CCDC14: variants seen among roughly 807,000 people sequenced by gnomAD.
The protein encoded by CCDC14 is coiled-coil domain containing 14, also known as coiled-coil domain-containing protein 14.
In CCDC14, 71 loss-of-function variants were observed where a neutral mutation model predicts 81.4. The ratio of observed to expected loss-of-function variants is 0.87; its 90% CI spans 0.72 to 1.06. The LOEUF (loss-of-function observed/expected upper bound fraction) is 1.06. Among genes scored for constraint, CCDC14 ranks in the 50% least tolerant of loss-of-function variants. The pLI, the probability that CCDC14 is intolerant of heterozygous loss-of-function variation, is 0.00. For missense variants in CCDC14, 1,046 were observed against 1,047.3 expected, an observed-to-expected ratio of 1.00 and a Z score of 0.02; for synonymous variants, 332 against 364.8, an observed-to-expected ratio of 0.91 and a Z score of 1.03.
chr3:123,949,289 T>G, intron 5 of CCDC14, 157 bp from the exon 6 acceptor site: 1 of 580,630 alleles, frequency 1.7e-6, no homozygotes, highest in Non-Finnish European at 3.1e-6. Context: ...GAAAATCATC[T>G]CAAATTCTTT....
chr3:123,913,335 G>A (rs2034490216), downstream of CCDC14: 1 of 974,856 alleles, frequency 1.0e-6, no homozygotes, highest in African/African-American at 1.8e-5. Flanking sequence ...CCATGTTAAG[G>A]GCCAAATAGG....
At chr3:123,936,555 G>A (rs1288712841) in intron 9 of CCDC14, among the ~76,000 whole-genome samples, 1 of 152,042 alleles carries the variant, frequency 6.6e-6, no homozygotes, top group Non-Finnish European at 1.5e-5. Flanking sequence ...AAGGGAACTG[G>A]AGGCTATCAT....
chr3:123,893,995 G>T (rs1185979889), downstream of CCDC14, among the ~76,000 whole-genome samples: 1 of 152,086 alleles, frequency 6.6e-6, no homozygotes, highest in African/African-American at 2.4e-5. Flanking sequence ...TCTGTAGGTT[G>T]CTTTGTTGTC....
chr3:123,951,314 A>G (rs1217387409), intron 5 of CCDC14, among the ~76,000 whole-genome samples: 1 of 152,190 alleles, frequency 6.6e-6, no homozygotes, highest in Admixed American at 6.5e-5. Flanking sequence ...TATCATATTC[A>G]TAAATCATAC....
chr3:123,912,095 G>C (rs552494733), downstream of CCDC14, among the ~76,000 whole-genome samples: 27 of 152,160 alleles, frequency 1.8e-4, no homozygotes, highest in Non-Finnish European at 3.5e-4. Context: ...TCATTGTAAA[G>C]GGTTGTATAT....
At chr3:123,894,193 A>T (rs973675173), downstream of CCDC14, among the ~76,000 whole-genome samples, 3 of 152,184 alleles carry the variant, frequency 2.0e-5, no homozygotes, top group Admixed American at 6.5e-5. Flanking sequence ...GTGGATATCC[A>T]GTTTTCCACC....
chr3:123,946,491 T>A (rs2036632885), intron 8 of CCDC14, among the ~76,000 whole-genome samples: 1 of 152,062 alleles, frequency 6.6e-6, no homozygotes, highest in African/African-American at 2.4e-5. Context: ...TTTATAGGCA[T>A]TCTCTAATTA....
At chr3:123,909,434 G>T (rs1020909423), downstream of CCDC14, among the ~76,000 whole-genome samples, 1 of 152,182 alleles carries the variant, frequency 6.6e-6, no homozygotes, top group Non-Finnish European at 1.5e-5. Flanking sequence ...TTGAATGCCA[G>T]TGTCGATGGG....
At position 123,932,163 on chromosome 3, in the gene CCDC14, T is replaced by C. The variant is rs560165399; in HGVS notation, c.1427-637A>G. 2.6e-5 allele frequency among the ~76,000 whole-genome samples: 4 copies of C among 152,326 alleles called. No homozygotes were observed. The South Asian group carries it at 8.3e-4, about 32-fold the overall frequency. The stretch of plus-strand genomic sequence containing the variant: ...TATACAGAGATGAACAACACAGACG[T>C]GGCCCCTGTTCTCACAGAGCTGATA... On this transcript the variant is annotated intron_variant, in intron 10 of 12. Transcript: ENST00000409697.
chr3:123,929,714 T>C (rs1158587742), intron 12 of CCDC14, among the ~76,000 whole-genome samples: 1 of 152,208 alleles, frequency 6.6e-6, no homozygotes, highest in Non-Finnish European at 1.5e-5. Flanking sequence ...AACATCTGCA[T>C]CACTCCTAAA....
At chr3:123,912,376 C>T (rs540124105), downstream of CCDC14, among the ~76,000 whole-genome samples, 1 of 152,306 alleles carries the variant, frequency 6.6e-6, no homozygotes, top group African/African-American at 2.4e-5. Flanking sequence ...TGAGAATGGA[C>T]TCTCCTCGCC....
downstream of CCDC14, among the ~76,000 whole-genome samples, chr3:123,896,434 T>C (rs1222198407): frequency 1.3e-5 from 2 of 152,168 alleles, no homozygotes; most frequent in Non-Finnish European, 2.9e-5. Flanking sequence ...AGACATGGTA[T>C]ATATAGACAC....
In CCDC14 at chr3:123,956,442, TA is replaced by T; in HGVS notation, c.87-16del. The T allele has an allele frequency of 6.6e-7, 1 of 1,509,728 alleles. No individual in the cohort carries two copies. Among genetic ancestry groups the T allele is most frequent in the South Asian group, 1.2e-5 (1 of 80,082 alleles). The allele number at this position is 1,509,728 out of a possible 1,614,324, so 93.5% of individuals were successfully genotyped here. A position where few individuals can be genotyped will look rare whatever the true frequency, so the allele number is the denominator to read the frequency against. On this transcript the variant is annotated splice_polypyrimidine_tract_variant and intron_variant, in intron 2 of 12. Transcript: ENST00000409697. ...TTAAATAGGTCCTGGAAAACAAGCT[TA>T]TTAATATTCTTACAAATATTTTTCC...
At chr3:123,925,259 A>G (rs1312672885) in intron 12 of CCDC14, among the ~76,000 whole-genome samples, 1 of 152,180 alleles carries the variant, frequency 6.6e-6, no homozygotes, top group Admixed American at 6.5e-5. Flanking sequence ...CCTCACTTAT[A>G]TATGGAATAT....
intron 7 of CCDC14, 65 bp downstream of exon 7, chr3:123,948,626 A>G: frequency 8.6e-7 from 1 of 1,158,398 alleles, no homozygotes; most frequent in Non-Finnish European, 1.2e-6. Flanking sequence ...AATAAATTCA[A>G]CAGTCCCTCC....
chr3:123,949,896 G>A (rs1383406584), intron 5 of CCDC14, among the ~76,000 whole-genome samples: 1 of 152,124 alleles, frequency 6.6e-6, no homozygotes, highest in Non-Finnish European at 1.5e-5. Flanking sequence ...CTGACACACT[G>A]CCTTATATTG....
intron 12 of CCDC14, among the ~76,000 whole-genome samples, chr3:123,930,510 CAT>C (rs1331701032): frequency 1.3e-5 from 2 of 152,070 alleles, no homozygotes; most frequent in Non-Finnish European, 2.9e-5. Context: ...AAGTGAATAT[CAT>C]AGAAAAATTG....
intron 12 of CCDC14, chr3:123,930,897 G>A: frequency 2.0e-6 from 1 of 504,750 alleles, no homozygotes; most frequent in South Asian, 3.4e-5. Context: ...GAATCACATG[G>A]TTTTAAAAAA....
chr3:123,957,428 C>CT (rs2037391277), intron 1 of CCDC14: 1 of 152,052 alleles, frequency 6.6e-6, no homozygotes, highest in South Asian at 2.1e-4. Context: ...GGACAGAGTT[C>CT]TTAACTCTGG....
Sources: gnomAD v4.1 joint callset for allele counts (sites outside exome capture counted in the v4.1 genomes callset) on GRCh38, gnomAD v4.1.1 for gene constraint, MANE v1.5 for transcripts, NCBI Gene and HGNC (gene_info 2026-07-23, HGNC 2026-07-21) for gene names.